GREB1L: variants seen among roughly 807,000 people sequenced by gnomAD.
GREB1L encodes the protein GREB1-like protein.
A neutral mutation model predicts 200.8 loss-of-function variants in GREB1L; 17 were observed. The observed-to-expected ratio is 0.08, with a 90% CI of 0.06 to 0.13. GREB1L has a LOEUF of 0.13. GREB1L is among the 10% of genes least tolerant of loss of function. GREB1L has a pLI of 1.00. For missense variants in GREB1L, 1,657 were observed against 2,367.7 expected (o/e 0.70, Z 6.23); for synonymous variants, 789 against 893.0 (o/e 0.88, Z 2.08).
chr18:21,518,069 A>G lies in GREB1L; in HGVS notation c.5307A>G (p.Gln1769=), dbSNP rs1373231374. ...SESLAPILPL[Q]YICAPDSEHT... ...GCTTAGCACCCATCTTGCCCCTTCA[A>G]TACATCTGTGCTCCCGACAGTGAAC... The change falls in exon 31 of 33, where the codon CAA becomes CAG. Residue 1769 remains glutamine, a synonymous_variant. Coordinates refer to ENST00000424526, the MANE Select transcript of GREB1L (RefSeq NM_001142966.3). The G allele has an allele frequency of 1.9e-6, 3 of 1,551,582 alleles. No homozygotes were observed. Among genetic ancestry groups the G allele is most frequent in the South Asian group, 2.4e-5 (2 of 84,054 alleles).
rs551656364 is a variant in GREB1L at position 21,486,867 on chromosome 18, T to C, written c.2690+1114T>C. Among the ~76,000 whole-genome samples, 14 of 152,338 alleles carry C rather than the reference T, an allele frequency of 9.2e-5. No individual in the cohort carries two copies. In the East Asian group the frequency reaches 2.3e-3, roughly 25 times the overall value. ...TTTTTAGTAGCTATAGTTCTTAGAA[T>C]GGCTTTAATTGATCATATTATTTAA... is the stretch of plus-strand genomic sequence containing the variant. On this transcript the variant is annotated intron_variant, in intron 18 of 32. Coordinates refer to ENST00000424526, the MANE Select transcript of GREB1L (RefSeq NM_001142966.3).
At chr18:21,422,342 GCGTGTGTATATACATA>G (rs1470631761) in intron 7 of GREB1L, among the ~76,000 whole-genome samples, 3 of 152,114 alleles carry the variant, frequency 2.0e-5, no homozygotes, top group Non-Finnish European at 4.4e-5. Context: ...ATACCTATGT[GCGTGTGTATATACATA>G]CATATATAAT....
intron 1 of GREB1L, among the ~76,000 whole-genome samples, chr18:21,275,738 T>A (rs1008487153): frequency 2.6e-5 from 4 of 152,204 alleles, no homozygotes; most frequent in Non-Finnish European, 5.9e-5. Flanking sequence ...AAGAAAGGGA[T>A]CTAGGGCAGA....
intron 1 of GREB1L, among the ~76,000 whole-genome samples, chr18:21,246,326 A>C (rs1241573482): frequency 1.3e-5 from 2 of 152,218 alleles, no homozygotes; most frequent in African/African-American, 4.8e-5. Context: ...TATTTTTATT[A>C]GGAAATTTCT....
At chr18:21,517,825 C>G (rs760042299) in intron 30 of GREB1L, among the ~76,000 whole-genome samples, 1 of 152,114 alleles carries the variant, frequency 6.6e-6, no homozygotes, top group Non-Finnish European at 1.5e-5. Flanking sequence ...CTTCTGCCCT[C>G]GCTGTGTGTA....
chr18:21,280,768 T>G (rs932525618), intron 1 of GREB1L, among the ~76,000 whole-genome samples: 24 of 152,320 alleles, frequency 1.6e-4, no homozygotes, highest in African/African-American at 5.5e-4. Flanking sequence ...TAATTCTGGT[T>G]GTCTGCTCTT....
chr18:21,444,698 A>G (rs938989979), intron 11 of GREB1L, among the ~76,000 whole-genome samples: 1 of 152,202 alleles, frequency 6.6e-6, no homozygotes, highest in African/African-American at 2.4e-5. Context: ...AGGTAGGCAG[A>G]ACCTTAAAGG....
chr18:21,372,896 A>T (rs980938830), intron 2 of GREB1L, among the ~76,000 whole-genome samples: 5 of 152,020 alleles, frequency 3.3e-5, no homozygotes, highest in African/African-American at 9.7e-5. Flanking sequence ...AACAACAAAA[A>T]ATTATGAGAT....
At chr18:21,325,948 A>G (rs1370443392) in intron 1 of GREB1L, among the ~76,000 whole-genome samples, 1 of 151,566 alleles carries the variant, frequency 6.6e-6, no homozygotes, top group Non-Finnish European at 1.5e-5. Context: ...AAGACTTGGG[A>G]TTTTTCTACC....
At chr18:21,472,709 T>C (rs1420444280) in intron 15 of GREB1L, among the ~76,000 whole-genome samples, 1 of 152,212 alleles carries the variant, frequency 6.6e-6, no homozygotes, top group African/African-American at 2.4e-5. Flanking sequence ...GTTGAAGCCA[T>C]TAGCAGCAGC....
intron 15 of GREB1L, among the ~76,000 whole-genome samples, chr18:21,458,233 A>G (rs1488278467): frequency 2.0e-5 from 3 of 151,982 alleles, no homozygotes; most frequent in Non-Finnish European, 4.4e-5. Context: ...GGCCTCCCAA[A>G]GTGCTGGGAT....
intron 1 of GREB1L, among the ~76,000 whole-genome samples, chr18:21,246,047 A>G (rs1015039972): frequency 6.6e-6 from 1 of 152,120 alleles, no homozygotes; most frequent in Non-Finnish European, 1.5e-5. Context: ...TATACATGTA[A>G]CTTTATTTCT....
At chr18:21,327,349 C>T (rs1461905596) in intron 1 of GREB1L, among the ~76,000 whole-genome samples, 1 of 152,150 alleles carries the variant, frequency 6.6e-6, no homozygotes. Flanking sequence ...CTCCCTTCCT[C>T]ATGTCCCAGA....
chr18:21,297,170 C>A (rs2038543405), intron 1 of GREB1L, among the ~76,000 whole-genome samples: 1 of 152,064 alleles, frequency 6.6e-6, no homozygotes, highest in African/African-American at 2.4e-5. Context: ...TCACAAGATC[C>A]CAGGTAACCC....
chr18:21,322,694 GTGAACTAATTA>G (rs2038968036), intron 1 of GREB1L, among the ~76,000 whole-genome samples: 2 of 152,078 alleles, frequency 1.3e-5, no homozygotes, highest in Non-Finnish European at 2.9e-5. Flanking sequence ...AAATATAACA[GTGAACTAATTA>G]TAATAGACTC....
At chr18:21,270,850 G>A (rs1346670432) in intron 1 of GREB1L, among the ~76,000 whole-genome samples, 2 of 152,138 alleles carry the variant, frequency 1.3e-5, no homozygotes. Flanking sequence ...ATTGAGCATT[G>A]TGTACTCAAC....
chr18:21,386,230 C>A (rs370042463), intron 4 of GREB1L, among the ~76,000 whole-genome samples: 58 of 152,200 alleles, frequency 3.8e-4, no homozygotes, highest in African/African-American at 1.4e-3. Flanking sequence ...TTTTAATTCA[C>A]CTTGGGGGAA....
chr18:21,318,120 A>C (rs11665016), intron 1 of GREB1L, among the ~76,000 whole-genome samples: 2,840 of 151,730 alleles, frequency 0.019, 47 homozygotes, highest in Non-Finnish European at 0.031. Flanking sequence ...AAAAAAAAAA[A>C]AAAAACAAAG....
intron 16 of GREB1L, among the ~76,000 whole-genome samples, chr18:21,476,551 A>ATTT (rs2035706120): frequency 6.6e-6 from 1 of 151,410 alleles, no homozygotes; most frequent in African/African-American, 2.4e-5. Context: ...TCTGAATTTA[A>ATTT]TTTTTTGTTG....
Sources: allele counts gnomAD v4.1 joint callset (sites outside exome capture counted in the v4.1 genomes callset), GRCh38; gene constraint gnomAD v4.1.1; transcripts MANE v1.5; gene names NCBI Gene and HGNC (gene_info 2026-07-23, HGNC 2026-07-21).